GPHN: variants seen among roughly 807,000 people sequenced by gnomAD.
GPHN encodes the protein gephyrin.
A neutral mutation model predicts 95.5 loss-of-function variants in GPHN; 17 were observed. The observed-to-expected ratio is 0.18, with a 90% CI of 0.12 to 0.27. The LOEUF is 0.27. Ranked by LOEUF, GPHN falls within the 10% of genes least tolerant of loss-of-function variation. The probability of loss-of-function intolerance (pLI) is 1.00; values close to 1 mark genes in which losing one functional copy is unlikely to be tolerated. For missense variants in GPHN, 660 were observed against 978.1 expected (o/e 0.67, Z 4.34); for synonymous variants, 320 against 322.5 (o/e 0.99, Z 0.08).
chr14:67,225,974 CGT>C, the GPHN span, among the ~76,000 whole-genome samples: 3,618 of 116,436 alleles, frequency 0.031, 58 homozygotes, highest in Non-Finnish European at 0.033. Flanking sequence ...CGCGCGCGCG[CGT>C]GCGCATGCGC....
chr14:66,891,992 G>A (rs901064536), intron 5 of GPHN, among the ~76,000 whole-genome samples: 3 of 152,160 alleles, frequency 2.0e-5, no homozygotes, highest in African/African-American at 7.2e-5. Context: ...GTGGCAGAAT[G>A]TTTAGAAACA....
In GPHN at chr14:67,172,391, A is replaced by G. The variant is rs1222756270; in HGVS notation, c.2079+3355A>G. 2.6e-5 allele frequency among the ~76,000 whole-genome samples: 4 copies of G among 152,148 alleles called. No individual in the cohort carries two copies. The East Asian group carries it at 7.7e-4, about 29-fold the overall frequency. On this transcript the variant is annotated intron_variant, in intron 21 of 22. Coordinates refer to ENST00000478722, the MANE Select transcript of GPHN (RefSeq NM_020806.5). ...AAGTTGAGCCAGCACCCAGCATCCC[A>G]GGAAATGATGCTTTTGCTGCCCAAA...
At position 67,089,044 on chromosome 14, in the gene GPHN, A is replaced by C. The variant is rs1438423133; in HGVS notation, c.1206A>C (p.Pro402=). The change falls in exon 12 of 23, where the codon CCA becomes CCC. Residue 402 remains proline, a synonymous_variant. Transcript: ENST00000478722. ...VYAKDNLPPF[P]ASVKDGYAVR... is the part of the protein sequence containing the mutation. ...CAAAAGACAATTTACCCCCCTTCCC[A>C]GCATCAGTAAAAGATGGCTATGCTG... 2 of 1,598,870 alleles carry C rather than the reference A, an allele frequency of 1.3e-6. No homozygotes were observed. The highest frequency in any genetic ancestry group is 1.7e-6 in the Non-Finnish European group (2 of 1,166,654).
chr14:66,585,558 A>G (rs1398493837), intron 1 of GPHN, among the ~76,000 whole-genome samples: 1 of 151,850 alleles, frequency 6.6e-6, no homozygotes, highest in Non-Finnish European at 1.5e-5. Context: ...ACACTGCTTT[A>G]AATGTGTCCC....
At chr14:67,497,475 C>T in the GPHN span, among the ~76,000 whole-genome samples, 1 of 152,264 alleles carries the variant, frequency 6.6e-6, no homozygotes, top group East Asian at 1.9e-4. Context: ...GGGAATGCCA[C>T]AGATACTTAC....
chr14:67,646,501 A>G, the GPHN span: 145 of 604,822 alleles, frequency 2.4e-4, 1 homozygote, highest in African/African-American at 2.6e-3. Flanking sequence ...TCTCCTTCCC[A>G]GATCAAGTGT....
At chr14:67,701,605 G>A in the GPHN span, among the ~76,000 whole-genome samples, 1 of 151,774 alleles carries the variant, frequency 6.6e-6, no homozygotes, top group Non-Finnish European at 1.5e-5. Context: ...TGTATTTTTA[G>A]TAGAGATGAG....
intron 9 of GPHN, among the ~76,000 whole-genome samples, chr14:67,007,895 G>A (rs971471130): frequency 1.3e-5 from 2 of 152,084 alleles, no homozygotes; most frequent in Non-Finnish European, 2.9e-5. Flanking sequence ...AAATAAAAAA[G>A]GGAGGAAGGA....
the GPHN span, chr14:67,365,054 G>T: frequency 3.3e-6 from 5 of 1,500,768 alleles, no homozygotes; most frequent in Admixed American, 8.9e-5. Context: ...ATTTAAAATG[G>T]TTTATTTAAA....
At chr14:67,655,067 C>T in the GPHN span, among the ~76,000 whole-genome samples, 2 of 142,636 alleles carry the variant, frequency 1.4e-5, no homozygotes, top group African/African-American at 5.2e-5. Flanking sequence ...CAGCTGGGCA[C>T]AGTGGCTCAT....
chr14:66,593,671 C>T (rs755443152), intron 1 of GPHN, among the ~76,000 whole-genome samples: 76 of 152,072 alleles, frequency 5.0e-4, no homozygotes, highest in Non-Finnish European at 9.6e-4. Context: ...AAAGATTTAC[C>T]TCTAAACATA....
At chr14:66,589,892 C>T (rs2061571300) in intron 1 of GPHN, among the ~76,000 whole-genome samples, 1 of 152,174 alleles carries the variant, frequency 6.6e-6, no homozygotes, top group African/African-American at 2.4e-5. Flanking sequence ...TTCTCAGCAC[C>T]ACATTTCACT....
chr14:66,532,391 A>G (rs531053990), intron 1 of GPHN, among the ~76,000 whole-genome samples: 1 of 152,278 alleles, frequency 6.6e-6, no homozygotes, highest in South Asian at 2.1e-4. Context: ...GTATTCTAAG[A>G]GCAAGCATTG....
the GPHN span, chr14:67,593,109 G>A: frequency 5.9e-6 from 1 of 169,334 alleles, no homozygotes; most frequent in South Asian, 1.5e-4. Context: ...TCTAAGGGAA[G>A]GCTCAACACT....
chr14:67,235,128 C>T, the GPHN span, among the ~76,000 whole-genome samples: 48 of 149,056 alleles, frequency 3.2e-4, no homozygotes, highest in African/African-American at 1.2e-3. Flanking sequence ...TGCATGCCAG[C>T]CTGGGTGACA....
chr14:67,530,992 G>A, the GPHN span, among the ~76,000 whole-genome samples: 2 of 152,076 alleles, frequency 1.3e-5, no homozygotes, highest in Admixed American at 1.3e-4. Context: ...TCCCCATCCC[G>A]GCCTCATCTT....
chr14:67,211,666 C>T, the GPHN span, among the ~76,000 whole-genome samples: 112 of 152,214 alleles, frequency 7.4e-4, no homozygotes, highest in Non-Finnish European at 1.4e-3. Flanking sequence ...GTGGCTCACA[C>T]GCCTGTAATC....
At position 66,872,890 on chromosome 14, in the gene GPHN, CAA is replaced by C. The variant is rs371975715; in HGVS notation, c.295-7034_295-7033del. Among the ~76,000 whole-genome samples the C allele has an allele frequency of 7.7e-3, 688 of 88,904 alleles. 5 individuals carry two copies. Among genetic ancestry groups the C allele is most frequent in the African/African-American group, 0.024 (578 of 24,166 alleles). 58.3% of individuals were successfully genotyped at this position (88,904 alleles called of 152,430 possible). ...AGGCAAAAAGAGCAAAACTTTGTCC[CAA>C]AAAAAAAAAAAAAAGGGTGCCCTAT... is the stretch of plus-strand genomic sequence containing the variant. On this transcript the variant is annotated intron_variant, in intron 4 of 22. Transcript: ENST00000478722.
At chr14:67,606,639 T>A in the GPHN span, among the ~76,000 whole-genome samples, 1 of 152,214 alleles carries the variant, frequency 6.6e-6, no homozygotes, top group South Asian at 2.1e-4. Context: ...TTTGTTGTTG[T>A]TGTTTTTTGT....
Sources: allele counts gnomAD v4.1 joint callset (sites outside exome capture counted in the v4.1 genomes callset), GRCh38; gene constraint gnomAD v4.1.1; transcripts MANE v1.5; gene names NCBI Gene and HGNC (gene_info 2026-07-23, HGNC 2026-07-21).